The following MDN1 variants were observed in gnomAD, a reference collection of about 807,000 sequenced individuals.
MDN1 encodes the protein midasin AAA ATPase 1.
MDN1 carries 266 observed loss-of-function variants against 669.2 expected under a neutral mutation model. The observed-to-expected ratio is 0.40, with a 90% CI of 0.36 to 0.44. The LOEUF is 0.44. Ranked by LOEUF, MDN1 falls within the 20% of genes least tolerant of loss-of-function variation. The probability of loss-of-function intolerance (pLI) is 1.00; values close to 1 mark genes in which losing one functional copy is unlikely to be tolerated. For missense variants in MDN1, 5,940 were observed against 6,754.0 expected, an observed-to-expected ratio of 0.88 and a Z score of 4.22; for synonymous variants, 2,385 against 2,457.1, an observed-to-expected ratio of 0.97 and a Z score of 0.87.
At chr6:89,671,123 C>T (rs1237793243) in intron 82 of MDN1, 43 bp from the exon 83 acceptor site, 1 of 1,584,106 alleles carries the variant, frequency 6.3e-7, no homozygotes, top group Non-Finnish European at 8.6e-7. Context: ...CACTGCTTGG[C>T]AGGTACCAGG....
At chr6:89,766,443 G>GC (rs1424164906) in intron 15 of MDN1, among the ~76,000 whole-genome samples, 1 of 152,114 alleles carries the variant, frequency 6.6e-6, no homozygotes, top group East Asian at 1.9e-4. Context: ...AACTGCAACT[G>GC]CAACACAAAT....
At chr6:89,668,200 TA>T (rs760559291) in intron 83 of MDN1, 49 bp from the exon 84 acceptor site, 1 of 1,603,016 alleles carries the variant, frequency 6.2e-7, no homozygotes, top group South Asian at 1.1e-5. Context: ...AAAGCAATTT[TA>T]AAAGGAGATT....
In MDN1 at chr6:89,672,669, T is replaced by C. The variant is rs546085514; in HGVS notation, c.13508A>G (p.Asp4503Gly). 125 of 1,614,022 alleles carry C rather than the reference T, an allele frequency of 7.7e-5. No homozygotes were observed. In the South Asian group the frequency reaches 1.3e-3, roughly 16 times the overall value. ...NQMLDEGFVE[D>G]FSEQMEIAIR... ...GGCAATTTCCATTTGCTCTGAAAAATCTTCCACAAATCCTTCGTCCAACAT... is the reference window on the plus strand; with the variant it reads ...GGCAATTTCCATTTGCTCTGAAAAACCTTCCACAAATCCTTCGTCCAACAT... The change falls in exon 81 of 102, where the codon GAT (aspartate) becomes GGT (glycine). Residue 4503 changes from aspartate to glycine, a missense_variant. By Grantham distance (94) the Asp-to-Gly change is moderately conservative (BLOSUM62 -1). This residue lies in a region of MDN1 where 2,280 missense variants were observed against 2,576.3 expected (regional missense o/e 0.88). Coordinates refer to ENST00000369393, the MANE Select transcript of MDN1 (RefSeq NM_014611.3).
intron 15 of MDN1, among the ~76,000 whole-genome samples, chr6:89,769,323 T>C (rs899590622): frequency 3.3e-5 from 5 of 152,170 alleles, no homozygotes; most frequent in South Asian, 2.1e-4. Flanking sequence ...TAACAGAATA[T>C]ATGTTAAAAG....
In MDN1 at chr6:89,670,170, A is replaced by ATATTTTTTTT. The variant is rs1444537561; in HGVS notation, c.13956+748_13956+749insAAAAAAAATA. The stretch of plus-strand genomic sequence containing the variant: ...TATATATATATATATATATATATAT[A>ATATTTTTTTT]TTTTTTTTTTTTTTTTTTTTGAGAT... On this transcript the variant is annotated intron_variant, in intron 83 of 101. Coordinates refer to ENST00000369393, the MANE Select transcript of MDN1 (RefSeq NM_014611.3). Among the ~76,000 whole-genome samples, 35 of 23,388 alleles carry ATATTTTTTTT rather than the reference A, an allele frequency of 1.5e-3. No homozygotes were observed. In the East Asian group the frequency reaches 0.02, roughly 14 times the overall value. The allele number at this position is 23,388 out of a possible 152,430, so 15.3% of individuals were successfully genotyped here.
At chr6:89,801,412 G>A (rs1767650806) in intron 2 of MDN1, among the ~76,000 whole-genome samples, 1 of 151,988 alleles carries the variant, frequency 6.6e-6, no homozygotes. Flanking sequence ...CAGCAATCTG[G>A]GAGGTCGAGG....
Position 89,700,078 on chromosome 6 carries a change from T to C in MDN1, c.8855A>G (p.Gln2952Arg), listed in dbSNP as rs1294280199. The C allele has an allele frequency of 6.2e-7, 1 of 1,614,110 alleles. No individual in the cohort carries two copies. Among genetic ancestry groups the C allele is most frequent in the Non-Finnish European group, 8.5e-7 (1 of 1,179,962 alleles). ...CATGGTTTACCTTCTGAGACAAGCT[T>C]GTGCCATAAAATCAGCTGTCACTTT... ...RYKVTADFMA[Q>R]ACLRRCSKNQ... Residue 2952 changes from glutamine (Q) to arginine (R), a missense_variant, in exon 57 of 102, where the codon CAA becomes CGA. Gln to Arg is a conservative substitution (Grantham distance 43, BLOSUM62 1). Transcript: ENST00000369393.
intron 1 of MDN1, among the ~76,000 whole-genome samples, chr6:89,816,716 C>T (rs1459473339): frequency 6.9e-5 from 10 of 145,980 alleles, no homozygotes; most frequent in Non-Finnish European, 1.2e-4. Context: ...GCTCTGTCAC[C>T]CACGCTGGAG....
At chr6:89,665,706 C>CAA (rs61352567) in intron 84 of MDN1, among the ~76,000 whole-genome samples, 288 of 126,200 alleles carry the variant, frequency 2.3e-3, no homozygotes, top group African/African-American at 3.8e-3. Flanking sequence ...GACTCCGTTT[C>CAA]AAAAAAAAAA....
Position 89,655,811 on chromosome 6 carries a change from AAT to A in MDN1, c.15441_15442del (p.Phe5148ArgfsTer4). 1.9e-6 allele frequency: 3 copies of A among 1,613,814 alleles called. No individual in the cohort carries two copies. Among genetic ancestry groups the A allele is most frequent in the Non-Finnish European group, 2.5e-6 (3 of 1,179,942 alleles). The stretch of plus-strand genomic sequence containing the variant: ...GTCACTGCCTTGTTTAATGTGCTCG[AAT>A]GCATCTGCATCCTCCACCTGGGCCT... On this transcript the variant is annotated frameshift_variant, in exon 92 of 102. Transcript: ENST00000369393. LOFTEE classifies it high-confidence loss of function.
intron 37 of MDN1, 47 bp downstream of exon 37, chr6:89,727,786 C>G (rs1373719043): frequency 6.2e-7 from 1 of 1,613,248 alleles, no homozygotes; most frequent in Admixed American, 1.7e-5. Context: ...ATGACTGCTC[C>G]TCACACACAT....
chr6:89,734,691 A>AGAGAGAGAGAGAGAGAGAGAG lies in MDN1; in HGVS notation c.4724-1917_4724-1916insCTCTCTCTCTCTCTCTCTCTC, dbSNP rs370691129. On this transcript the variant is annotated intron_variant, in intron 33 of 101. Coordinates refer to ENST00000369393, the MANE Select transcript of MDN1 (RefSeq NM_014611.3). Reference sequence around the variant, plus strand: ...AGAAGAAAAAAAAAAAAAAAAAAACAAGAGAGAGAGAGAGAGAGAGAGAGA... The same window carrying AGAGAGAGAGAGAGAGAGAGAG: ...AGAAGAAAAAAAAAAAAAAAAAAACAGAGAGAGAGAGAGAGAGAGAGAGAGAGAGAGAGAGAGAGAGAGAGA... Among the ~76,000 whole-genome samples, 370 of 112,938 alleles carry AGAGAGAGAGAGAGAGAGAGAG rather than the reference A, an allele frequency of 3.3e-3. 22 individuals carry two copies. The East Asian group carries it at 0.034, about 10-fold the overall frequency. The allele number at this position is 112,938 out of a possible 152,430, so 74.1% of individuals were successfully genotyped here. A position where few individuals can be genotyped will look rare whatever the true frequency, so the allele number is the denominator to read the frequency against.
intron 91 of MDN1, among the ~76,000 whole-genome samples, chr6:89,656,277 T>C (rs1809287571): frequency 3.3e-5 from 5 of 152,156 alleles, no homozygotes; most frequent in Admixed American, 2.6e-4. Flanking sequence ...GGAGGGTCCC[T>C]TGGGGACAGG....
At chr6:89,751,390 C>G in intron 23 of MDN1, 41 bp downstream of exon 23, 1 of 1,612,168 alleles carries the variant, frequency 6.2e-7, no homozygotes. Flanking sequence ...AATGCCTATG[C>G]CTGTATCAAG....
chr6:89,680,309 G>A (rs1811516498), intron 74 of MDN1, among the ~76,000 whole-genome samples: 1 of 152,152 alleles, frequency 6.6e-6, no homozygotes, highest in African/African-American at 2.4e-5. Flanking sequence ...CCCTTTACTG[G>A]TAACACCAAC....
chr6:89,759,096 G>A, intron 17 of MDN1, 136 bp from the exon 18 acceptor site: 1 of 805,994 alleles, frequency 1.2e-6, no homozygotes. Context: ...TTAACTGGCT[G>A]ACAGCAGATA....
rs1562242770 is a variant in MDN1, at chr6:89,810,005, A to ATAAAT, written c.103-6452_103-6451insATTTA. On this transcript the variant is annotated intron_variant, in intron 1 of 101. Transcript: ENST00000369393. ...GACTCCGTTTCACTAAAAAAAAAAA[A>ATAAAT]AAAAAAAAAAAAAAAAAAAAATTAA... Among the ~76,000 whole-genome samples, 29 of 142,222 alleles carry ATAAAT rather than the reference A, an allele frequency of 2.0e-4. 1 individual carries two copies. Among genetic ancestry groups the ATAAAT allele is most frequent in the Admixed American group, 5.0e-4 (7 of 14,054 alleles). 93.3% of individuals were successfully genotyped at this position (142,222 alleles called of 152,430 possible).
intron 61 of MDN1, among the ~76,000 whole-genome samples, chr6:89,694,985 G>C (rs751322150): frequency 3.9e-5 from 6 of 152,178 alleles, no homozygotes; most frequent in Admixed American, 3.3e-4. Context: ...TATAATCCCA[G>C]CACTTTGGGA....
intron 13 of MDN1, among the ~76,000 whole-genome samples, chr6:89,772,967 A>AGACT (rs1405039565): frequency 2.0e-5 from 3 of 152,222 alleles, no homozygotes; most frequent in Admixed American, 2.0e-4. Context: ...CAATAAGACA[A>AGACT]GACTACCTGT....
Sources: gnomAD v4.1 joint callset for allele counts (sites outside exome capture counted in the v4.1 genomes callset) on GRCh38, gnomAD v4.1.1 for gene constraint, gnomAD v4.1.1 regional missense constraint, MANE v1.5 for transcripts, NCBI Gene and HGNC (gene_info 2026-07-23, HGNC 2026-07-21) for gene names.